KSR2: variants seen among roughly 807,000 people sequenced by gnomAD.
KSR2 encodes the protein kinase suppressor of ras 2.
A neutral mutation model predicts 107.8 loss-of-function variants in KSR2; 25 were observed. The ratio of observed to expected loss-of-function variants is 0.23; its 90% CI spans 0.17 to 0.32. KSR2 has a LOEUF of 0.32. KSR2 is among the 10% of genes least tolerant of loss of function. The pLI is 1.00. For missense variants in KSR2, 887 were observed against 1,268.9 expected (o/e 0.70, Z 4.57); for synonymous variants, 480 against 507.0 (o/e 0.95, Z 0.71).
At chr12:117,737,033 T>C (rs192249213) in intron 4 of KSR2, among the ~76,000 whole-genome samples, 1 of 152,276 alleles carries the variant, frequency 6.6e-6, no homozygotes, top group East Asian at 1.9e-4. Context: ...GACACTTAAA[T>C]CTTCTATAAT....
intron 5 of KSR2, among the ~76,000 whole-genome samples, chr12:117,639,839 T>C (rs561989209): frequency 6.6e-6 from 1 of 151,976 alleles, no homozygotes; most frequent in Non-Finnish European, 1.5e-5. Flanking sequence ...AACAGATGGA[T>C]CAGGAGCTTC....
chr12:117,837,877 T>G (rs1386202784), intron 3 of KSR2, among the ~76,000 whole-genome samples: 1 of 152,222 alleles, frequency 6.6e-6, no homozygotes, highest in Non-Finnish European at 1.5e-5. Context: ...CAACAGGTTC[T>G]CTGTGTGGGG....
chr12:117,615,066 A>T (rs138647818), intron 5 of KSR2, among the ~76,000 whole-genome samples: 42 of 152,150 alleles, frequency 2.8e-4, no homozygotes, highest in African/African-American at 7.7e-4. Context: ...TATCCAGGGT[A>T]CCCTTGGCCC....
intron 1 of KSR2, among the ~76,000 whole-genome samples, chr12:117,881,011 C>T (rs1398035219): frequency 6.6e-6 from 1 of 151,830 alleles, no homozygotes. Flanking sequence ...CTCTATCACC[C>T]AGGGCAGATT....
At chr12:117,537,971 G>A (rs977846784) in intron 10 of KSR2, among the ~76,000 whole-genome samples, 1 of 152,168 alleles carries the variant, frequency 6.6e-6, no homozygotes, top group Non-Finnish European at 1.5e-5. Context: ...CCATCCCTTG[G>A]TCCATAAATA....
chr12:117,818,691 C>T (rs763371131), intron 3 of KSR2, among the ~76,000 whole-genome samples: 15 of 152,248 alleles, frequency 9.9e-5, no homozygotes, highest in Non-Finnish European at 1.6e-4. Flanking sequence ...CTGCTGAAAA[C>T]GTTCTGTGGC....
At chr12:117,946,818 C>G (rs1434327370) in intron 1 of KSR2, among the ~76,000 whole-genome samples, 1 of 152,070 alleles carries the variant, frequency 6.6e-6, no homozygotes, top group Non-Finnish European at 1.5e-5. Flanking sequence ...TTCAAAAATT[C>G]TACATCAAAC....
intron 7 of KSR2, among the ~76,000 whole-genome samples, chr12:117,566,470 A>C (rs1002758112): frequency 1.3e-5 from 2 of 152,134 alleles, no homozygotes; most frequent in Admixed American, 1.3e-4. Context: ...CCCACTTATA[A>C]GTGAGAACAT....
chr12:117,838,425 C>A (rs1177316943), intron 3 of KSR2, among the ~76,000 whole-genome samples: 2 of 152,186 alleles, frequency 1.3e-5, no homozygotes, highest in Non-Finnish European at 2.9e-5. Context: ...CCTCAGCCTC[C>A]CAAAGTGCTG....
chr12:117,788,432 T>C (rs964596871), intron 3 of KSR2, among the ~76,000 whole-genome samples: 1 of 152,210 alleles, frequency 6.6e-6, no homozygotes, highest in Admixed American at 6.5e-5. Flanking sequence ...CCCCTGGAGA[T>C]TAAAAAAGCA....
rs1376248978 is a variant in KSR2 at position 117,880,466 on chromosome 12, C to G, written c.181-20035G>C. Among the ~76,000 whole-genome samples, 3 of 152,136 alleles carry G rather than the reference C, an allele frequency of 2.0e-5. No individual in the cohort carries two copies. In the East Asian group the frequency reaches 5.8e-4, roughly 29 times the overall value. ...CTGGGAAAAAGCACCCCAAGCCCCC[C>G]CACCAAAGAGAAAATTTAACTCTTT... On this transcript the variant is annotated intron_variant, in intron 1 of 19. Coordinates refer to ENST00000339824, the MANE Select transcript of KSR2 (RefSeq NM_173598.6).
intron 3 of KSR2, among the ~76,000 whole-genome samples, chr12:117,830,622 G>A (rs577730729): frequency 3.3e-5 from 5 of 152,192 alleles, no homozygotes; most frequent in East Asian, 1.9e-4. Context: ...GAAAGCCTGC[G>A]TCATTTCCAG....
At chr12:117,574,892 GAAAAAAAAAAA>G (rs35204005) in intron 7 of KSR2, among the ~76,000 whole-genome samples, 12 of 115,350 alleles carry the variant, frequency 1.0e-4, no homozygotes, top group Non-Finnish European at 1.6e-4. Flanking sequence ...TGCTCTGGGT[GAAAAAAAAAAA>G]AAAAAAAAAA....
intron 5 of KSR2, among the ~76,000 whole-genome samples, chr12:117,616,854 G>A (rs1881918718): frequency 6.6e-6 from 1 of 152,160 alleles, no homozygotes; most frequent in Non-Finnish European, 1.5e-5. Flanking sequence ...TAGAAAGCCA[G>A]GCTCCATGAT....
chr12:117,617,352 A>T (rs1881946752), intron 5 of KSR2, among the ~76,000 whole-genome samples: 1 of 152,168 alleles, frequency 6.6e-6, no homozygotes, highest in Non-Finnish European at 1.5e-5. Context: ...CCACGTATTG[A>T]ATTCTTCATT....
intron 4 of KSR2, among the ~76,000 whole-genome samples, chr12:117,750,538 G>A (rs376815022): frequency 1.3e-4 from 20 of 152,090 alleles, no homozygotes; most frequent in African/African-American, 4.6e-4. Flanking sequence ...GGAGGTACAC[G>A]TGCAGGTTTG....
chr12:117,757,577 A>T (rs1361912181), intron 4 of KSR2, among the ~76,000 whole-genome samples: 1 of 152,228 alleles, frequency 6.6e-6, no homozygotes, highest in East Asian at 1.9e-4. Flanking sequence ...CTATGTAGAA[A>T]ACTGCATTGT....
Position 117,903,926 on chromosome 12 carries a change from G to T in KSR2, c.181-43495C>A, listed in dbSNP as rs566514294. On this transcript the variant is annotated intron_variant, in intron 1 of 19. Coordinates refer to ENST00000339824, the MANE Select transcript of KSR2 (RefSeq NM_173598.6). ...GGGTGGGAAGACTGCTTAAGGCCAG[G>T]AGTTCAAGGCTGCAGTGAGCTATGA... is the stretch of plus-strand genomic sequence containing the variant. 2.3e-4 allele frequency among the ~76,000 whole-genome samples: 35 copies of T among 152,228 alleles called. No individual in the cohort carries two copies. In the South Asian group the frequency reaches 2.5e-3, roughly 11 times the overall value.
intron 1 of KSR2, among the ~76,000 whole-genome samples, chr12:117,902,996 C>T (rs114575736): frequency 0.012 from 1,851 of 152,228 alleles, 39 homozygotes; most frequent in African/African-American, 0.042. Context: ...CTTCATAGGG[C>T]TTAATGAATT....
Sources: gnomAD v4.1 joint callset for allele counts (sites outside exome capture counted in the v4.1 genomes callset) on GRCh38, gnomAD v4.1.1 for gene constraint, MANE v1.5 for transcripts, NCBI Gene and HGNC (gene_info 2026-07-23, HGNC 2026-07-21) for gene names.